The following EXT2 variants were observed in gnomAD, a reference collection of about 807,000 sequenced individuals.
EXT2 encodes exostosin-2.
In EXT2, 53 loss-of-function variants were observed where a neutral mutation model predicts 81.6. The ratio of observed to expected loss-of-function variants is 0.65; its 90% CI spans 0.52 to 0.82. EXT2 has a LOEUF of 0.82. EXT2 is among the 40% of genes least tolerant of loss of function. The pLI, the probability that EXT2 is intolerant of heterozygous loss-of-function variation, is 0.00. For synonymous variants in EXT2, 320 were observed against 340.0 expected (o/e 0.94, Z 0.65); for missense variants, 774 against 910.2 (o/e 0.85, Z 1.93).
At chr11:44,168,675 C>G (rs376047439) in intron 7 of EXT2, among the ~76,000 whole-genome samples, 1 of 152,212 alleles carries the variant, frequency 6.6e-6, no homozygotes, top group Non-Finnish European at 1.5e-5. Context: ...GAAGCCAGAA[C>G]ACAGTAGAAG....
Position 44,246,010 on chromosome 11 carries a change from T to C in EXT2, c.*1723T>C, listed in dbSNP as rs1426790963. ...ACAGGTGCTTACCAAATACTTTTGA[T>C]TTGGGTAATGTGTACTGGTCAGTAG... is the stretch of plus-strand genomic sequence containing the variant. On this transcript the variant is annotated 3_prime_UTR_variant, in exon 14 of 14. Coordinates refer to ENST00000533608, the MANE Select transcript of EXT2 (RefSeq NM_207122.2). Among the ~76,000 whole-genome samples, 1 of 152,188 alleles carries C rather than the reference T, an allele frequency of 6.6e-6. No homozygotes were observed. The highest frequency in any genetic ancestry group is 1.5e-5 in the Non-Finnish European group (1 of 68,020).
At chr11:44,243,618 C>CTTTTTT (rs1215047805) in intron 13 of EXT2, among the ~76,000 whole-genome samples, 9 of 72,884 alleles carry the variant, frequency 1.2e-4, no homozygotes, top group East Asian at 5.3e-4. Context: ...GCCCTGTCAC[C>CTTTTTT]TTTTTTTTTT....
intron 4 of EXT2, among the ~76,000 whole-genome samples, chr11:44,119,169 T>TATATATGG (rs1192115471): frequency 1.6e-5 from 1 of 63,130 alleles, no homozygotes; most frequent in Non-Finnish European, 3.1e-5. Flanking sequence ...TATATATATA[T>TATATATGG]ACACATACAC....
chr11:44,144,162 T>C, intron 7 of EXT2: 1 of 1,163,336 alleles, frequency 8.6e-7, no homozygotes, highest in East Asian at 2.3e-5. Context: ...GCAGATTCCT[T>C]TATAGCTAGT....
chr11:44,125,353 G>T (rs1421117460), intron 5 of EXT2, among the ~76,000 whole-genome samples: 2 of 152,152 alleles, frequency 1.3e-5, no homozygotes, highest in African/African-American at 2.4e-5. Flanking sequence ...GTGGCAACTT[G>T]CATCCCTTGA....
chr11:44,099,352 A>AT (rs1215674338), intron 1 of EXT2, among the ~76,000 whole-genome samples: 1 of 151,954 alleles, frequency 6.6e-6, no homozygotes, highest in Admixed American at 6.6e-5. Flanking sequence ...TGCCTGGCTA[A>AT]TTTTTTGTGT....
At chr11:44,238,611 G>C (rs1955998333) in intron 13 of EXT2, among the ~76,000 whole-genome samples, 1 of 152,210 alleles carries the variant, frequency 6.6e-6, no homozygotes, top group Non-Finnish European at 1.5e-5. Context: ...TGAGCGCCCT[G>C]AGAGAGGCTC....
At chr11:44,177,812 CAGAA>C (rs1440650134) in intron 8 of EXT2, among the ~76,000 whole-genome samples, 1 of 151,658 alleles carries the variant, frequency 6.6e-6, no homozygotes, top group African/African-American at 2.4e-5. Flanking sequence ...AGATTTAAAA[CAGAA>C]AGAGAAGAGA....
rs144521258 is a variant in EXT2 at position 44,224,761 on chromosome 11, A to T, written c.1663-7592A>T. Among the ~76,000 whole-genome samples, 40 of 152,336 alleles carry T rather than the reference A, an allele frequency of 2.6e-4. No homozygotes were observed. The East Asian group carries it at 7.7e-3, about 29-fold the overall frequency. ...GCTGTAGTGTCCCTGACTGCAAGTG[A>T]TGGAAGTCAGCAGGGCAGCTACTTG... On this transcript the variant is annotated intron_variant, in intron 10 of 13. Coordinates refer to ENST00000533608, the MANE Select transcript of EXT2 (RefSeq NM_207122.2).
intron 7 of EXT2, among the ~76,000 whole-genome samples, chr11:44,145,318 C>A (rs1245987720): frequency 6.6e-6 from 1 of 152,012 alleles, no homozygotes; most frequent in Non-Finnish European, 1.5e-5. Context: ...AAATAATATC[C>A]ATTGAAGTCT....
chr11:44,203,292 G>A (rs1265038163), intron 9 of EXT2, among the ~76,000 whole-genome samples: 1 of 152,144 alleles, frequency 6.6e-6, no homozygotes, highest in Admixed American at 6.5e-5. Context: ...GCCTACTACA[G>A]GGTAAAGAGA....
chr11:44,179,202 G>A (rs1195223042), intron 8 of EXT2, among the ~76,000 whole-genome samples: 1 of 152,114 alleles, frequency 6.6e-6, no homozygotes, highest in African/African-American at 2.4e-5. Context: ...AGACGGACTC[G>A]AGGATATTGC....
intron 7 of EXT2, among the ~76,000 whole-genome samples, chr11:44,147,099 TCAC>T: frequency 6.6e-6 from 1 of 152,160 alleles, no homozygotes; most frequent in East Asian, 1.9e-4. Context: ...TTTTGTTGCC[TCAC>T]CTAGATGCAT....
At chr11:44,163,817 A>T (rs142768047) in intron 7 of EXT2, among the ~76,000 whole-genome samples, 1 of 152,272 alleles carries the variant, frequency 6.6e-6, no homozygotes, top group African/African-American at 2.4e-5. Context: ...GGAGCAAGTG[A>T]ATGCTTTATT....
chr11:44,194,201 G>A (rs1196281858), intron 8 of EXT2, among the ~76,000 whole-genome samples: 1 of 152,174 alleles, frequency 6.6e-6, no homozygotes, highest in African/African-American at 2.4e-5. Flanking sequence ...TTCTGTTGGA[G>A]TTTTAATAGT....
At chr11:44,182,070 T>C (rs2135150669) in intron 8 of EXT2, among the ~76,000 whole-genome samples, 1 of 152,314 alleles carries the variant, frequency 6.6e-6, no homozygotes, top group South Asian at 2.1e-4. Context: ...AATTCTGGGC[T>C]GCAGGTATTT....
chr11:44,097,307 T>A (rs565110873), intron 1 of EXT2, among the ~76,000 whole-genome samples: 7 of 152,244 alleles, frequency 4.6e-5, no homozygotes, highest in Non-Finnish European at 7.3e-5. Context: ...TGTTTTTAAT[T>A]GAAAATAATT....
intron 8 of EXT2, among the ~76,000 whole-genome samples, chr11:44,181,111 A>G (rs1174337827): frequency 6.6e-6 from 1 of 152,204 alleles, no homozygotes; most frequent in African/African-American, 2.4e-5. Flanking sequence ...AAAAAAAAAA[A>G]AAGTTTTTTA....
chr11:44,148,647 G>A (rs76358256), intron 7 of EXT2, among the ~76,000 whole-genome samples: 2,506 of 152,196 alleles, frequency 0.016, 69 homozygotes, highest in African/African-American at 0.057. Flanking sequence ...TTAAAATAGC[G>A]CCCAATACAT....
Sources: gnomAD v4.1 joint callset for allele counts (sites outside exome capture counted in the v4.1 genomes callset) on GRCh38, gnomAD v4.1.1 for gene constraint, MANE v1.5 for transcripts, NCBI Gene and HGNC (gene_info 2026-07-23, HGNC 2026-07-21) for gene names.